The following ZDHHC17 variants were observed in gnomAD, a reference collection of about 807,000 sequenced individuals.
ZDHHC17 encodes the protein palmitoyltransferase ZDHHC17.
A neutral mutation model predicts 90.3 loss-of-function variants in ZDHHC17; 40 were observed. The ratio of observed to expected loss-of-function variants is 0.44; its 90% CI spans 0.34 to 0.58. The LOEUF (loss-of-function observed/expected upper bound fraction) is 0.58, where lower values mean the gene tolerates loss of function less well. ZDHHC17 is among the 20% of genes least tolerant of loss of function. The pLI is 0.01. For synonymous variants in ZDHHC17, 235 were observed against 252.4 expected (o/e 0.93, Z 0.65); for missense variants, 614 against 780.8 (o/e 0.79, Z 2.55).
intron 1 of ZDHHC17, among the ~76,000 whole-genome samples, chr12:76,783,078 A>C (rs1952645471): frequency 6.6e-6 from 1 of 152,200 alleles, no homozygotes; most frequent in Non-Finnish European, 1.5e-5. Context: ...GAGGAGGCTG[A>C]CTAAAGTTTG....
At chr12:76,811,581 GATA>G (rs1163126828) in intron 5 of ZDHHC17, among the ~76,000 whole-genome samples, 5 of 151,878 alleles carry the variant, frequency 3.3e-5, no homozygotes, top group African/African-American at 4.8e-5. Context: ...GCATGATGAT[GATA>G]ATGATGATGA....
chr12:76,819,795 G>A (rs1020184544), intron 7 of ZDHHC17, among the ~76,000 whole-genome samples: 2 of 151,956 alleles, frequency 1.3e-5, no homozygotes, highest in Admixed American at 1.3e-4. Context: ...TCAGGAGTTC[G>A]AGACCAGCCT....
At chr12:76,834,950 C>T (rs982875577) in intron 10 of ZDHHC17, among the ~76,000 whole-genome samples, 2 of 151,736 alleles carry the variant, frequency 1.3e-5, no homozygotes, top group African/African-American at 4.8e-5. Flanking sequence ...GTAATTTTTC[C>T]AAGTTTGTTA....
At chr12:76,794,482 G>A (rs1317890522) in intron 1 of ZDHHC17, among the ~76,000 whole-genome samples, 1 of 152,088 alleles carries the variant, frequency 6.6e-6, no homozygotes, top group African/African-American at 2.4e-5. Context: ...TACAAAATTT[G>A]TTAGGTAATA....
In ZDHHC17 at chr12:76,842,922, A is replaced by G. The variant is rs750972905; in HGVS notation, c.1270A>G (p.Ile424Val). ...KATEEQKKKT[I>V]VELAETGSLD... ...ATATTATTTTTTTAATTCACAGACAATAGTTGAACTTGCAGAGACAGGAAG... is the reference window on the plus strand; with the variant it reads ...ATATTATTTTTTTAATTCACAGACAGTAGTTGAACTTGCAGAGACAGGAAG... Residue 424 changes from isoleucine (I) to valine (V), a missense_variant, in exon 12 of 17, where the codon ATA becomes GTA. Physicochemically the swap from Ile to Val is conservative, Grantham distance 29 (BLOSUM62 3). Coordinates refer to ENST00000426126, the MANE Select transcript of ZDHHC17 (RefSeq NM_015336.4). 1.7e-5 allele frequency: 28 copies of G among 1,608,806 alleles called. No individual in the cohort carries two copies. The highest frequency in any genetic ancestry group is 3.3e-5 in the South Asian group (3 of 90,460).
chr12:76,837,326 G>T (rs1423319139), intron 10 of ZDHHC17, among the ~76,000 whole-genome samples: 2 of 152,012 alleles, frequency 1.3e-5, no homozygotes, highest in African/African-American at 2.4e-5. Flanking sequence ...TAGAGACAGG[G>T]TCTACAAAAA....
At chr12:76,815,303 C>CTG in intron 6 of ZDHHC17, 93 bp downstream of exon 6, 7 of 710,020 alleles carry the variant, frequency 9.9e-6, no homozygotes, top group Non-Finnish European at 1.5e-5. Flanking sequence ...ACTATACTCA[C>CTG]TAATATTTAC....
Position 76,771,745 on chromosome 12 carries a change from G to GA in ZDHHC17, c.93+7428dup, listed in dbSNP as rs113802250. Among the ~76,000 whole-genome samples, 592 of 144,744 alleles carry GA rather than the reference G, an allele frequency of 4.1e-3. 2 individuals carry two copies. The highest frequency in any genetic ancestry group is 0.012 in the African/African-American group (487 of 39,840). 95.0% of individuals were successfully genotyped at this position (144,744 alleles called of 152,430 possible). A position where few individuals can be genotyped will look rare whatever the true frequency, so the allele number is the denominator to read the frequency against. ...TTACCAAAACTATCCCTATTCTCAT[G>GA]AAAAAAAAAAAAGTTCTTTGAGTTG... is the stretch of plus-strand genomic sequence containing the variant. On this transcript the variant is annotated intron_variant, in intron 1 of 16. Transcript: ENST00000426126.
Position 76,825,353 on chromosome 12 carries a change from T to C in ZDHHC17, c.898-1555T>C, listed in dbSNP as rs777394922. On this transcript the variant is annotated intron_variant, in intron 8 of 16. Transcript: ENST00000426126. ...TAGGTGGTGGATAGACTTCACTATA[T>C]AATTCTTTCACATTTACTATATAGT... Among the ~76,000 whole-genome samples, 66 of 152,340 alleles carry C rather than the reference T, an allele frequency of 4.3e-4. 1 individual carries two copies. The highest frequency in any genetic ancestry group is 3.4e-3 in the Middle Eastern group (1 of 294).
chr12:76,819,794 C>T (rs562818055), intron 7 of ZDHHC17, among the ~76,000 whole-genome samples: 8 of 151,908 alleles, frequency 5.3e-5, no homozygotes, highest in Admixed American at 1.3e-4. Context: ...GTCAGGAGTT[C>T]GAGACCAGCC....
chr12:76,802,381 G>T (rs929333994), intron 2 of ZDHHC17, among the ~76,000 whole-genome samples: 1 of 152,146 alleles, frequency 6.6e-6, no homozygotes, highest in Non-Finnish European at 1.5e-5. Context: ...GGTTCTCTCT[G>T]TCTTTGTCTT....
chr12:76,823,184 CTTGT>C (rs1332582322), intron 8 of ZDHHC17, among the ~76,000 whole-genome samples: 8 of 152,118 alleles, frequency 5.3e-5, no homozygotes, highest in Admixed American at 2.6e-4. Flanking sequence ...CTAGTGAATG[CTTGT>C]TTGTTAGTAT....
At chr12:76,792,001 C>T (rs1952764871) in intron 1 of ZDHHC17, among the ~76,000 whole-genome samples, 1 of 152,132 alleles carries the variant, frequency 6.6e-6, no homozygotes, top group Admixed American at 6.5e-5. Flanking sequence ...ACCTTAATGT[C>T]TCCACCAATC....
At chr12:76,788,118 C>T (rs1952713115) in intron 1 of ZDHHC17, among the ~76,000 whole-genome samples, 1 of 152,180 alleles carries the variant, frequency 6.6e-6, no homozygotes, top group Non-Finnish European at 1.5e-5. Flanking sequence ...GCTACACATA[C>T]ATTGTGGGTG....
At chr12:76,776,731 T>A (rs1254137143) in intron 1 of ZDHHC17, among the ~76,000 whole-genome samples, 1 of 152,210 alleles carries the variant, frequency 6.6e-6, no homozygotes, top group Non-Finnish European at 1.5e-5. Flanking sequence ...TTATTAGCTA[T>A]GTGTGGCTAG....
At chr12:76,781,756 AAGAC>A (rs1952629965) in intron 1 of ZDHHC17, 1 of 449,332 alleles carries the variant, frequency 2.2e-6, no homozygotes, top group Admixed American at 2.4e-5. Flanking sequence ...AAAATGGACT[AAGAC>A]AGTAGGAGAA....
intron 1 of ZDHHC17, among the ~76,000 whole-genome samples, chr12:76,776,115 A>G (rs2137717394): frequency 7.0e-6 from 1 of 142,314 alleles, no homozygotes; most frequent in Non-Finnish European, 1.5e-5. Flanking sequence ...GTACAGGTGG[A>G]AAAAAAAAAT....
At chr12:76,788,971 A>G (rs2137734487) in intron 1 of ZDHHC17, among the ~76,000 whole-genome samples, 1 of 152,256 alleles carries the variant, frequency 6.6e-6, no homozygotes, top group East Asian at 1.9e-4. Context: ...TGCTGGGATT[A>G]TAGGCATGAG....
At chr12:76,846,818 G>A in intron 14 of ZDHHC17, 139 bp downstream of exon 14, 17 of 688,220 alleles carry the variant, frequency 2.5e-5, no homozygotes, top group African/African-American at 3.6e-5. Context: ...AGCACAAAAG[G>A]GAAAAAAGAT....
Sources: gnomAD v4.1 joint callset for allele counts (sites outside exome capture counted in the v4.1 genomes callset) on GRCh38, gnomAD v4.1.1 for gene constraint, MANE v1.5 for transcripts, NCBI Gene and HGNC (gene_info 2026-07-23, HGNC 2026-07-21) for gene names.